Variants in ACER2 observed in about 807,000 individuals in gnomAD.
ACER2 encodes alkCDase 2.
Under a neutral mutation model 34.7 loss-of-function variants are expected in ACER2, and 26 were observed. That is an observed-to-expected ratio of 0.75 (90% CI 0.55 to 1.04). The LOEUF (loss-of-function observed/expected upper bound fraction) is 1.04, where lower values mean the gene tolerates loss of function less well. Among genes scored for constraint, ACER2 ranks in the 50% least tolerant of loss-of-function variants. The pLI is 0.00. For missense variants in ACER2, 352 were observed against 340.8 expected (o/e 1.03, Z -0.26); for synonymous variants, 138 against 132.1 (o/e 1.04, Z -0.31).
chr9:19,410,418 G>C (rs1461239490), intron 1 of ACER2, among the ~76,000 whole-genome samples: 1 of 152,122 alleles, frequency 6.6e-6, no homozygotes, highest in African/African-American at 2.4e-5. Context: ...GGTTCCTTAA[G>C]AAAACCTAAG....
chr9:19,415,262 G>A (rs1278473482), intron 1 of ACER2, among the ~76,000 whole-genome samples: 1 of 152,082 alleles, frequency 6.6e-6, no homozygotes, highest in Non-Finnish European at 1.5e-5. Flanking sequence ...AGGCTGAGGT[G>A]GGCTGATCAC....
At chr9:19,442,721 G>A (rs1389219625) in intron 4 of ACER2, among the ~76,000 whole-genome samples, 2 of 152,156 alleles carry the variant, frequency 1.3e-5, no homozygotes, top group East Asian at 1.9e-4. Flanking sequence ...AATTGTCTAT[G>A]TATTTGTTGA....
rs558012833 is a variant in ACER2, at chr9:19,444,507, G to A, written c.504-1774G>A. Among the ~76,000 whole-genome samples, 59 of 152,286 alleles carry A rather than the reference G, an allele frequency of 3.9e-4. 1 individual carries two copies. Among genetic ancestry groups the A allele is most frequent in the South Asian group, 3.3e-3 (16 of 4,834 alleles). ...ATTACAGGCTTGAGCCACCGCGCCC[G>A]GCATAAAATCTCATAATGTTTTAAG... On this transcript the variant is annotated intron_variant, in intron 4 of 5. Transcript: ENST00000340967.
chr9:19,451,838 C>G lies in ACER2; in HGVS notation c.*1202C>G, dbSNP rs571586278. ...TATGCTGTACTATTCTGGAAATTACCTTCAAGAGTCTCACTTCTTGTTTCT... is the reference window on the plus strand; with the variant it reads ...TATGCTGTACTATTCTGGAAATTACGTTCAAGAGTCTCACTTCTTGTTTCT... On this transcript the variant is annotated 3_prime_UTR_variant, in exon 6 of 6. Transcript: ENST00000340967. 1.3e-5 allele frequency: 2 copies of G among 152,156 alleles called. No individual in the cohort carries two copies. The highest frequency in any genetic ancestry group is 4.8e-5 in the African/African-American group (2 of 41,436). The allele number at this position is 152,156 out of a possible 1,614,324, so 9.4% of individuals were successfully genotyped here. A position where few individuals can be genotyped will look rare whatever the true frequency, so the allele number is the denominator to read the frequency against.
chr9:19,422,938 A>C (rs1830447838), intron 1 of ACER2, among the ~76,000 whole-genome samples: 1 of 151,684 alleles, frequency 6.6e-6, no homozygotes, highest in African/African-American at 2.4e-5. Flanking sequence ...AGGCTGAGGC[A>C]GGAGAATCGC....
rs747643366 is a variant in ACER2, at chr9:19,450,440, C to T, written c.642-10C>T. The stretch of plus-strand genomic sequence containing the variant: ...CTCATCAGGTTCTCACCTCTTGTCT[C>T]CCTCTGCAGGCACATCCTCATCTGC... On this transcript the variant is annotated splice_polypyrimidine_tract_variant and intron_variant, in intron 5 of 5. Coordinates refer to ENST00000340967, the MANE Select transcript of ACER2 (RefSeq NM_001010887.3). The T allele has an allele frequency of 6.3e-7, 1 of 1,580,620 alleles. No individual in the cohort carries two copies.
chr9:19,430,295 G>C (rs577941716), intron 3 of ACER2, among the ~76,000 whole-genome samples: 1 of 152,162 alleles, frequency 6.6e-6, no homozygotes, highest in Non-Finnish European at 1.5e-5. Flanking sequence ...ATGGTACTGG[G>C]TTGTTAGATT....
chr9:19,444,771 A>G (rs1303934078), intron 4 of ACER2, among the ~76,000 whole-genome samples: 2 of 152,232 alleles, frequency 1.3e-5, no homozygotes, highest in Non-Finnish European at 2.9e-5. Flanking sequence ...AGAGAGTGGT[A>G]ATCGAAAGCG....
intron 1 of ACER2, among the ~76,000 whole-genome samples, chr9:19,420,988 A>G (rs75725250): frequency 6.6e-6 from 1 of 152,140 alleles, no homozygotes; most frequent in Non-Finnish European, 1.5e-5. Flanking sequence ...AACATTATAG[A>G]CCATACTTAC....
At chr9:19,445,581 TGA>T (rs1479905291) in intron 4 of ACER2, among the ~76,000 whole-genome samples, 1 of 152,158 alleles carries the variant, frequency 6.6e-6, no homozygotes, top group Non-Finnish European at 1.5e-5. Flanking sequence ...GATTTACATG[TGA>T]GGGAAGAGCA....
chr9:19,420,057 C>G (rs1049339753), intron 1 of ACER2, among the ~76,000 whole-genome samples: 2 of 152,162 alleles, frequency 1.3e-5, no homozygotes, highest in African/African-American at 4.8e-5. Context: ...TTGCCCTATG[C>G]CTCAAGTTCT....
intron 4 of ACER2, among the ~76,000 whole-genome samples, chr9:19,437,905 T>A (rs1462295621): frequency 6.6e-6 from 1 of 152,210 alleles, no homozygotes; most frequent in African/African-American, 2.4e-5. Flanking sequence ...GATACTTATC[T>A]CCTTTTCTTC....
chr9:19,412,969 C>T (rs1229050884), intron 1 of ACER2, among the ~76,000 whole-genome samples: 1 of 152,162 alleles, frequency 6.6e-6, no homozygotes, highest in Non-Finnish European at 1.5e-5. Flanking sequence ...CTCATTCATG[C>T]ATCTGGATGT....
intron 1 of ACER2, among the ~76,000 whole-genome samples, chr9:19,422,392 G>C (rs535323434): frequency 6.6e-6 from 1 of 152,100 alleles, no homozygotes; most frequent in African/African-American, 2.4e-5. Flanking sequence ...CATTAAATAA[G>C]ATAGATTATT....
At chr9:19,449,019 A>C (rs1412412776) in intron 5 of ACER2, among the ~76,000 whole-genome samples, 1 of 152,176 alleles carries the variant, frequency 6.6e-6, no homozygotes. Flanking sequence ...AGTCCCAGCT[A>C]TTTGGGAGGT....
rs10645109 is a variant in ACER2, at chr9:19,416,060, C to CTTT, written c.108+6880_108+6882dup. Among the ~76,000 whole-genome samples the CTTT allele has an allele frequency of 2.0e-3, 292 of 144,986 alleles. 6 individuals are homozygous for CTTT. The East Asian group carries it at 0.035, about 17-fold the overall frequency. ...AGAGGCTAGAAAGGAAACTTTATTC[C>CTTT]TTTTTTTTTTTTTTACAAGAACACA... is the stretch of plus-strand genomic sequence containing the variant. On this transcript the variant is annotated intron_variant, in intron 1 of 5. Coordinates refer to ENST00000340967, the MANE Select transcript of ACER2 (RefSeq NM_001010887.3).
intron 3 of ACER2, among the ~76,000 whole-genome samples, chr9:19,425,610 G>T (rs1007168700): frequency 1.3e-5 from 2 of 152,204 alleles, no homozygotes; most frequent in Non-Finnish European, 2.9e-5. Flanking sequence ...GGATATGTTA[G>T]GTACTGTGAT....
intron 3 of ACER2, among the ~76,000 whole-genome samples, chr9:19,428,021 T>C (rs528853853): frequency 1.1e-5 from 1 of 88,238 alleles, no homozygotes; most frequent in African/African-American, 4.3e-5. Flanking sequence ...TCCTTTCCTT[T>C]CCTTTCCTTT....
chr9:19,426,058 C>T (rs1343639512), intron 3 of ACER2, among the ~76,000 whole-genome samples: 2 of 151,982 alleles, frequency 1.3e-5, no homozygotes, highest in East Asian at 3.9e-4. Context: ...TGTGTGATAT[C>T]CTAATTTTAG....
Sources: gnomAD v4.1 joint callset for allele counts (sites outside exome capture counted in the v4.1 genomes callset) on GRCh38, gnomAD v4.1.1 for gene constraint, MANE v1.5 for transcripts, NCBI Gene and HGNC (gene_info 2026-07-23, HGNC 2026-07-21) for gene names.